Variants in SNTG1 observed in about 807,000 individuals in gnomAD.
SNTG1 encodes gamma-1-syntrophin.
A neutral mutation model predicts 74.7 loss-of-function variants in SNTG1; 39 were observed. That is an observed-to-expected ratio of 0.52 (90% confidence interval 0.40 to 0.68). The LOEUF (loss-of-function observed/expected upper bound fraction) is 0.68, where lower values mean the gene tolerates loss of function less well. SNTG1 is among the 30% of genes least tolerant of loss of function. The pLI is 0.00. For missense variants in SNTG1, 685 were observed against 609.5 expected (o/e 1.12, Z -1.30); for synonymous variants, 254 against 217.1 (o/e 1.17, Z -1.49).
chr8:50,670,844 G>C (rs1201516863), intron 15 of SNTG1, among the ~76,000 whole-genome samples: 11 of 149,956 alleles, frequency 7.3e-5, no homozygotes, highest in Non-Finnish European at 1.0e-4. Flanking sequence ...CCAAAACAGA[G>C]ATATAGATCA....
At chr8:50,272,985 C>T (rs1195091267) in intron 2 of SNTG1, among the ~76,000 whole-genome samples, 2 of 151,792 alleles carry the variant, frequency 1.3e-5, no homozygotes, top group Non-Finnish European at 2.9e-5. Flanking sequence ...CTCAAGCAGT[C>T]CTCCCATGTC....
At chr8:50,476,781 T>C (rs2131790824) in intron 8 of SNTG1, among the ~76,000 whole-genome samples, 1 of 151,856 alleles carries the variant, frequency 6.6e-6, no homozygotes, top group Middle Eastern at 3.4e-3. Context: ...TATCTAATAC[T>C]TTTCTCCAGT....
chr8:50,755,124 G>A (rs1450582903), intron 18 of SNTG1, among the ~76,000 whole-genome samples: 1 of 151,698 alleles, frequency 6.6e-6, no homozygotes, highest in East Asian at 2.0e-4. Flanking sequence ...ACCATCCAGA[G>A]TCCATAGTTC....
intron 2 of SNTG1, among the ~76,000 whole-genome samples, chr8:50,302,781 A>C (rs11998338): frequency 0.069 from 10,561 of 152,192 alleles, 413 homozygotes; most frequent in African/African-American, 0.086. Flanking sequence ...GAGCAGATAC[A>C]AGCACTCTGC....
intron 2 of SNTG1, among the ~76,000 whole-genome samples, chr8:50,234,379 G>T (rs4609204): frequency 0.91 from 137,432 of 151,744 alleles, 63,335 homozygotes; most frequent in East Asian, 1. Flanking sequence ...GTGGGTTAGG[G>T]GTGTGTGTGT....
At chr8:50,739,293 C>T (rs1490674244) in intron 17 of SNTG1, among the ~76,000 whole-genome samples, 1 of 151,908 alleles carries the variant, frequency 6.6e-6, no homozygotes, top group Non-Finnish European at 1.5e-5. Context: ...ATTTATATAG[C>T]CAACAAGCAT....
At chr8:50,019,334 G>A (rs1816618129) in intron 1 of SNTG1, among the ~76,000 whole-genome samples, 4 of 152,140 alleles carry the variant, frequency 2.6e-5, no homozygotes, top group African/African-American at 9.6e-5. Context: ...CTTGAGAGTG[G>A]TTTTCAGGGA....
chr8:50,419,980 G>GA (rs112597520), intron 4 of SNTG1, among the ~76,000 whole-genome samples: 3,214 of 148,056 alleles, frequency 0.022, 111 homozygotes, highest in African/African-American at 0.072. Context: ...TACTCATTCT[G>GA]AAAAAAAAAC....
chr8:50,081,832 C>T (rs373103826), intron 1 of SNTG1, among the ~76,000 whole-genome samples: 1 of 152,110 alleles, frequency 6.6e-6, no homozygotes, highest in African/African-American at 2.4e-5. Context: ...GAGGTTTCAC[C>T]ATGTTGGCCA....
chr8:50,572,258 T>TA (rs1554577783), intron 12 of SNTG1, among the ~76,000 whole-genome samples: 9 of 93,094 alleles, frequency 9.7e-5, no homozygotes, highest in African/African-American at 4.3e-4. Context: ...ATCACCTATT[T>TA]TATATATATA....
intron 6 of SNTG1, among the ~76,000 whole-genome samples, chr8:50,450,274 G>C (rs770058392): frequency 6.6e-6 from 1 of 152,166 alleles, no homozygotes; most frequent in African/African-American, 2.4e-5. Context: ...TCTTAAGTGC[G>C]TGAGAAAATG....
At chr8:50,309,996 A>T (rs879944532) in intron 2 of SNTG1, among the ~76,000 whole-genome samples, 1 of 152,240 alleles carries the variant, frequency 6.6e-6, no homozygotes. Flanking sequence ...GCGTAAAAAT[A>T]GTCAAACAGC....
At chr8:50,485,937 C>T (rs1400949688) in intron 8 of SNTG1, among the ~76,000 whole-genome samples, 1 of 151,158 alleles carries the variant, frequency 6.6e-6, no homozygotes, top group East Asian at 1.9e-4. Context: ...AATCCTGTCC[C>T]CATTGCTTGT....
chr8:50,127,968 C>A (rs933454889), intron 1 of SNTG1, among the ~76,000 whole-genome samples: 1 of 152,010 alleles, frequency 6.6e-6, no homozygotes, highest in Admixed American at 6.6e-5. Flanking sequence ...GTATGTATAT[C>A]GTTATCATGC....
intron 2 of SNTG1, among the ~76,000 whole-genome samples, chr8:50,188,662 A>G (rs913843734): frequency 6.6e-6 from 1 of 152,092 alleles, no homozygotes; most frequent in Non-Finnish European, 1.5e-5. Context: ...TCTGGTAAAC[A>G]CCACTTCCAT....
intron 13 of SNTG1, among the ~76,000 whole-genome samples, chr8:50,619,630 C>T (rs1011894589): frequency 2.7e-5 from 4 of 150,772 alleles, no homozygotes; most frequent in Non-Finnish European, 5.9e-5. Flanking sequence ...ACTGAGGAGG[C>T]TGAAGCAGGA....
At chr8:50,288,421 T>C (rs2088906011) in intron 2 of SNTG1, among the ~76,000 whole-genome samples, 1 of 152,242 alleles carries the variant, frequency 6.6e-6, no homozygotes, top group African/African-American at 2.4e-5. Flanking sequence ...TAATGTAATG[T>C]AAATTATTTC....
At chr8:50,682,606 C>T (rs2095335615) in intron 15 of SNTG1, among the ~76,000 whole-genome samples, 1 of 152,172 alleles carries the variant, frequency 6.6e-6, no homozygotes, top group Non-Finnish European at 1.5e-5. Flanking sequence ...ATATCTAACA[C>T]TGGTTATCCT....
chr8:50,786,548 T>C (rs1056377425), intron 18 of SNTG1, among the ~76,000 whole-genome samples: 12 of 151,822 alleles, frequency 7.9e-5, no homozygotes, highest in African/African-American at 2.7e-4. Flanking sequence ...GCCAAAATAA[T>C]CTTGGCAAAT....
Sources: gnomAD v4.1 joint callset for allele counts (sites outside exome capture counted in the v4.1 genomes callset) on GRCh38, gnomAD v4.1.1 for gene constraint, MANE v1.5 for transcripts, NCBI Gene and HGNC (gene_info 2026-07-23, HGNC 2026-07-21) for gene names.